Variants in PSMB2 observed in about 807,000 individuals in gnomAD.
The protein encoded by PSMB2 is proteasome subunit beta type-2.
A neutral mutation model predicts 25.7 loss-of-function variants in PSMB2; 13 were observed. The ratio of observed to expected loss-of-function variants is 0.51; its 90% CI spans 0.33 to 0.80. The LOEUF (loss-of-function observed/expected upper bound fraction) is 0.80. Ranked by LOEUF, PSMB2 falls within the 30% of genes least tolerant of loss-of-function variation. PSMB2 has a pLI of 0.02. For missense variants in PSMB2, 202 were observed against 259.0 expected (o/e 0.78, Z 1.51); for synonymous variants, 87 against 96.2 (o/e 0.90, Z 0.56).
intron 2 of PSMB2, among the ~76,000 whole-genome samples, chr1:35,633,378 C>T (rs1207146557): frequency 6.6e-6 from 1 of 152,108 alleles, no homozygotes; most frequent in Non-Finnish European, 1.5e-5. Context: ...CTTTCTTTCC[C>T]TTATTTTAGC....
chr1:35,613,245 G>C lies in PSMB2; in HGVS notation c.286-3837C>G, dbSNP rs1426644375. Reference sequence around the variant, plus strand: ...ATTCTTCTGACAATGCTCCACCAAAGATCTCTGGCTTGGCTGAGCACAGTG... The same window carrying C: ...ATTCTTCTGACAATGCTCCACCAAACATCTCTGGCTTGGCTGAGCACAGTG... On this transcript the variant is annotated intron_variant, in intron 3 of 5. Transcript: ENST00000373237. 1.3e-5 allele frequency among the ~76,000 whole-genome samples: 2 copies of C among 152,130 alleles called. 1 individual carries two copies. Among genetic ancestry groups the C allele is most frequent in the South Asian group, 4.1e-4 (2 of 4,820 alleles).
intron 3 of PSMB2, among the ~76,000 whole-genome samples, chr1:35,626,854 T>C (rs1650877849): frequency 6.6e-6 from 1 of 152,170 alleles, no homozygotes; most frequent in African/African-American, 2.4e-5. Flanking sequence ...ATACAATAGT[T>C]GTGGCTATTG....
intron 1 of PSMB2, 70 bp from the exon 2 acceptor site, chr1:35,636,502 T>C (rs1415826096): frequency 1.3e-6 from 2 of 1,540,260 alleles, no homozygotes; most frequent in Admixed American, 1.9e-5. Context: ...TATGTAACCA[T>C]AAACAGGTTT....
intron 3 of PSMB2, among the ~76,000 whole-genome samples, chr1:35,622,000 A>C (rs576440940): frequency 1.1e-4 from 17 of 151,804 alleles, no homozygotes; most frequent in African/African-American, 3.7e-4. Flanking sequence ...TGTCTCAAAA[A>C]GAAGAAAAAA....
chr1:35,609,860 A>C (rs1356056169), intron 3 of PSMB2, among the ~76,000 whole-genome samples: 2 of 152,246 alleles, frequency 1.3e-5, no homozygotes, highest in African/African-American at 4.8e-5. Context: ...TGATTATTAC[A>C]CATTGTATGC....
chr1:35,607,088 C>T (rs1278435430), intron 4 of PSMB2, among the ~76,000 whole-genome samples: 2 of 152,104 alleles, frequency 1.3e-5, no homozygotes, highest in Non-Finnish European at 2.9e-5. Flanking sequence ...AGACCAGAAA[C>T]TAGAAGAAAA....
intron 2 of PSMB2, among the ~76,000 whole-genome samples, chr1:35,635,828 CAAAAAAAAAAAA>C (rs1163061850): frequency 5.8e-5 from 2 of 34,242 alleles, no homozygotes; most frequent in African/African-American, 8.4e-5. Context: ...GACTCCGTCT[CAAAAAAAAAAAA>C]AAAAAAAAAA....
rs138074859 is a variant in PSMB2, at chr1:35,602,818, C to T, written c.*449G>A. On this transcript the variant is annotated 3_prime_UTR_variant, in exon 6 of 6. Coordinates refer to ENST00000373237, the MANE Select transcript of PSMB2 (RefSeq NM_002794.5). Reference sequence around the variant, plus strand: ...GCTCTGGAAGAAATATTTTTCACTACATGTTTTTGTACTGTTTGCATGTTA... The same window carrying T: ...GCTCTGGAAGAAATATTTTTCACTATATGTTTTTGTACTGTTTGCATGTTA... 2.5e-6 allele frequency: 2 copies of T among 786,242 alleles called. No homozygotes were observed. Among genetic ancestry groups the T allele is most frequent in the Admixed American group, 6.1e-5 (1 of 16,502 alleles). 48.7% of individuals were successfully genotyped at this position (786,242 alleles called of 1,614,324 possible). A position where few individuals can be genotyped will look rare whatever the true frequency, so the allele number is the denominator to read the frequency against.
Position 35,601,886 on chromosome 1 carries a change from TAA to T in PSMB2, c.*1379_*1380del. ...TCCACATTGTTCCCTAAAGTTATGC[TAA>T]GAGTAAAACGAGTAACTGGTTAACT... On this transcript the variant is annotated 3_prime_UTR_variant, in exon 6 of 6. Transcript: ENST00000373237. 1 of 985,448 alleles carries T rather than the reference TAA, an allele frequency of 1.0e-6. No individual in the cohort carries two copies. The highest frequency in any genetic ancestry group is 5.2e-4 in the Middle Eastern group (1 of 1,914). 61.0% of individuals were successfully genotyped at this position (985,448 alleles called of 1,614,324 possible).
At chr1:35,632,095 T>G (rs1651122582) in intron 2 of PSMB2, among the ~76,000 whole-genome samples, 1 of 152,194 alleles carries the variant, frequency 6.6e-6, no homozygotes, top group Non-Finnish European at 1.5e-5. Context: ...GAGTCATAGT[T>G]TATTAAAAAA....
intron 5 of PSMB2, 109 bp from the exon 6 acceptor site, chr1:35,603,483 T>C: frequency 7.5e-7 from 1 of 1,327,106 alleles, no homozygotes. Context: ...CCTGCTTTTG[T>C]GGAACTGATA....
chr1:35,627,096 T>C (rs1650886755), intron 3 of PSMB2, among the ~76,000 whole-genome samples: 1 of 151,438 alleles, frequency 6.6e-6, no homozygotes, highest in African/African-American at 2.4e-5. Context: ...TTCAATGTTA[T>C]TTTACTTCTA....
At chr1:35,605,407 AAAAT>A in intron 4 of PSMB2, 125 bp from the exon 5 acceptor site, 1 of 965,490 alleles carries the variant, frequency 1.0e-6, no homozygotes, top group Non-Finnish European at 1.6e-6. Flanking sequence ...TAAAAGGCAA[AAAAT>A]GCTTTGCCTT....
At chr1:35,625,271 T>A (rs994706132) in intron 3 of PSMB2, among the ~76,000 whole-genome samples, 1 of 152,120 alleles carries the variant, frequency 6.6e-6, no homozygotes, top group Non-Finnish European at 1.5e-5. Context: ...TAATGAAAAC[T>A]CTTTGGCCAG....
In PSMB2 at chr1:35,600,806, C is replaced by T. The variant is rs555071099; in HGVS notation, c.*2461G>A. The T allele has an allele frequency of 1.2e-5, 12 of 985,390 alleles. No individual in the cohort carries two copies. The highest frequency in any genetic ancestry group is 5.2e-4 in the Middle Eastern group (1 of 1,914). 61.0% of individuals were successfully genotyped at this position (985,390 alleles called of 1,614,324 possible). On this transcript the variant is annotated 3_prime_UTR_variant, in exon 6 of 6. Coordinates refer to ENST00000373237, the MANE Select transcript of PSMB2 (RefSeq NM_002794.5). ...ACACTTACATTCAAAGGCAGAGAAC[C>T]GTATGTCATCCCTGGTGAGGCCTGA...
rs371479177 is a variant in PSMB2 at position 35,628,598 on chromosome 1, T to A, written c.285+2676A>T. On this transcript the variant is annotated intron_variant, in intron 3 of 5. Coordinates refer to ENST00000373237, the MANE Select transcript of PSMB2 (RefSeq NM_002794.5). ...TGGAAGAAAAAAAAAAAAAAAAAAA[T>A]ATATATATATATATATATATATATA... 0.018 allele frequency among the ~76,000 whole-genome samples: 414 copies of A among 23,008 alleles called. 7 individuals carry two copies. The East Asian group carries it at 0.18, about 10-fold the overall frequency. 15.1% of individuals were successfully genotyped at this position (23,008 alleles called of 152,430 possible). A position where few individuals can be genotyped will look rare whatever the true frequency, so the allele number is the denominator to read the frequency against.
chr1:35,605,137 TG>T, intron 5 of PSMB2, 95 bp downstream of exon 5: 1 of 1,279,192 alleles, frequency 7.8e-7, no homozygotes. Context: ...TTACACCTTC[TG>T]GCAAAAATCT....
At chr1:35,617,055 G>A (rs915713431) in intron 3 of PSMB2, among the ~76,000 whole-genome samples, 1 of 152,014 alleles carries the variant, frequency 6.6e-6, no homozygotes, top group Non-Finnish European at 1.5e-5. Flanking sequence ...TTTATACCCT[G>A]ACTTTTTTTT....
Position 35,641,377 on chromosome 1 carries a change from C to T in PSMB2, c.56G>A (p.Arg19Gln). 6.2e-7 allele frequency: 1 copy of T among 1,614,104 alleles called. No homozygotes were observed. The highest frequency in any genetic ancestry group is 8.5e-7 in the Non-Finnish European group (1 of 1,180,018). The change falls in exon 1 of 6, where the codon CGG becomes CAG. Residue 19 changes from arginine to glutamine, a missense_variant. Physicochemically the swap from Arg to Gln is conservative, Grantham distance 43. Coordinates refer to ENST00000373237, the MANE Select transcript of PSMB2 (RefSeq NM_002794.5). ...CTGGACAATATTGCTGGCGGCCACCCGGTCGGAGGCGACAAGAACATAGTC... is the reference window on the plus strand; with the variant it reads ...CTGGACAATATTGCTGGCGGCCACCTGGTCGGAGGCGACAAGAACATAGTC... ...GPDYVLVASD[R>Q]VAASNIVQMK...
Sources: allele counts gnomAD v4.1 joint callset (sites outside exome capture counted in the v4.1 genomes callset), GRCh38; gene constraint gnomAD v4.1.1; transcripts MANE v1.5; gene names NCBI Gene and HGNC (gene_info 2026-07-23, HGNC 2026-07-21).